The following GNAL variants were observed in gnomAD, a reference collection of about 807,000 sequenced individuals.
GNAL encodes guanine nucleotide-binding protein G(olf) subunit alpha.
Under a neutral mutation model 55.1 loss-of-function variants are expected in GNAL, and 18 were observed. That is an observed-to-expected ratio of 0.33 (90% CI 0.23 to 0.48). The LOEUF (loss-of-function observed/expected upper bound fraction) is 0.48. Among genes scored for constraint, GNAL ranks in the 20% least tolerant of loss-of-function variants. The pLI is 0.99. For missense variants in GNAL, 412 were observed against 614.1 expected (o/e 0.67, Z 3.48); for synonymous variants, 253 against 237.0 (o/e 1.07, Z -0.62).
chr18:11,815,205 A>G (rs2034923724), intron 4 of GNAL, among the ~76,000 whole-genome samples: 1 of 152,202 alleles, frequency 6.6e-6, no homozygotes, highest in Non-Finnish European at 1.5e-5. Flanking sequence ...TATACTATGT[A>G]TATACTCATT....
chr18:11,812,073 A>G (rs1337524667), intron 4 of GNAL, among the ~76,000 whole-genome samples: 3 of 152,364 alleles, frequency 2.0e-5, no homozygotes, highest in South Asian at 2.1e-4. Context: ...TCTTAGGTCT[A>G]TGAGTGGGAG....
chr18:11,749,828 C>T (rs987648628), intron 1 of GNAL, among the ~76,000 whole-genome samples: 3 of 152,166 alleles, frequency 2.0e-5, no homozygotes, highest in Non-Finnish European at 4.4e-5. Context: ...AAGACACAAG[C>T]AGCACATGCA....
At chr18:11,847,592 G>C (rs1428801096) in intron 5 of GNAL, among the ~76,000 whole-genome samples, 2 of 152,028 alleles carry the variant, frequency 1.3e-5, no homozygotes, top group African/African-American at 2.4e-5. Flanking sequence ...TAACTGGTTT[G>C]ACCCGCAGCT....
intron 1 of GNAL, among the ~76,000 whole-genome samples, chr18:11,693,439 G>A (rs760435770): frequency 1.1e-4 from 17 of 152,100 alleles, no homozygotes; most frequent in Non-Finnish European, 1.6e-4. Context: ...ACACTAAAAC[G>A]CATACTGTTA....
chr18:11,885,384 AT>A lies in GNAL; in HGVS notation c.*4251del, dbSNP rs2037047123. 2.6e-6 allele frequency: 1 copy of A among 378,518 alleles called. No homozygotes were observed. Among genetic ancestry groups the A allele is most frequent in the East Asian group, 5.4e-5 (1 of 18,628 alleles). 23.4% of individuals were successfully genotyped at this position (378,518 alleles called of 1,614,324 possible). ...GAATAAATGGTTGTTTCTTTAGAAA[AT>A]TAAACACACACAGAGTGTAAGAGGA... On this transcript the variant is annotated 3_prime_UTR_variant, in exon 12 of 12. Coordinates refer to ENST00000334049, the MANE Select transcript of GNAL (RefSeq NM_182978.4).
intron 1 of GNAL, among the ~76,000 whole-genome samples, chr18:11,725,713 C>T (rs996632117): frequency 2.6e-5 from 4 of 152,148 alleles, no homozygotes; most frequent in African/African-American, 4.8e-5. Flanking sequence ...TTTTGGCAAT[C>T]GTGAGTAAAG....
Position 11,819,160 on chromosome 18 carries a change from C to T in GNAL, c.625-5758C>T, listed in dbSNP as rs570889372. 5.3e-5 allele frequency among the ~76,000 whole-genome samples: 8 copies of T among 152,322 alleles called. No homozygotes were observed. The East Asian group carries it at 5.8e-4, about 11-fold the overall frequency. ...GTCATTTGACTGTGTTATATTAGCA[C>T]AGAAATTATGCAAGAAATGTTATTC... is the stretch of plus-strand genomic sequence containing the variant. On this transcript the variant is annotated intron_variant, in intron 4 of 11. Transcript: ENST00000334049.
At chr18:11,842,085 G>C (rs891799440) in intron 5 of GNAL, among the ~76,000 whole-genome samples, 1 of 151,698 alleles carries the variant, frequency 6.6e-6, no homozygotes, top group African/African-American at 2.4e-5. Context: ...CAATTCTCCT[G>C]CCTCAGCCTC....
intron 1 of GNAL, among the ~76,000 whole-genome samples, chr18:11,719,023 G>T (rs1024788950): frequency 3.9e-5 from 6 of 152,150 alleles, no homozygotes; most frequent in Admixed American, 3.9e-4. Flanking sequence ...ATTTGCTGAT[G>T]AATTGGATGT....
In GNAL at chr18:11,881,483, C is replaced by T. The variant is rs1336992389; in HGVS notation, c.*348C>T. On this transcript the variant is annotated 3_prime_UTR_variant, in exon 12 of 12. Transcript: ENST00000334049. The surrounding 1 kb of genome is among the most constrained non-coding windows in gnomAD (Gnocchi z 4.8). ...AAAACACAGTTGGTTTTTTTTTCCA[C>T]GTTATCAACCGTGACTGCAAGAGCG... 3 of 190,292 alleles carry T rather than the reference C, an allele frequency of 1.6e-5. No homozygotes were observed. The highest frequency in any genetic ancestry group is 2.5e-5 in the African/African-American group (1 of 40,452). 11.8% of individuals were successfully genotyped at this position (190,292 alleles called of 1,614,324 possible). A position where few individuals can be genotyped will look rare whatever the true frequency, so the allele number is the denominator to read the frequency against.
intron 5 of GNAL, among the ~76,000 whole-genome samples, chr18:11,846,875 C>G (rs2035752387): frequency 6.6e-6 from 1 of 152,030 alleles, no homozygotes; most frequent in African/African-American, 2.4e-5. Context: ...TCACACCCAG[C>G]CCTGGACAGT....
At chr18:11,795,293 C>T (rs1465514375) in intron 4 of GNAL, among the ~76,000 whole-genome samples, 1 of 150,112 alleles carries the variant, frequency 6.7e-6, no homozygotes, top group Admixed American at 6.7e-5. Context: ...CCCAGCTACT[C>T]AGGAGGCTGA....
intron 11 of GNAL, among the ~76,000 whole-genome samples, chr18:11,878,302 G>A (rs533257336): frequency 4.6e-5 from 7 of 152,120 alleles, no homozygotes; most frequent in Admixed American, 2.6e-4. Context: ...ATTTTAAAAC[G>A]TACCTGGGTA....
intron 1 of GNAL, among the ~76,000 whole-genome samples, chr18:11,736,995 TG>T (rs1450656733): frequency 6.6e-6 from 1 of 152,182 alleles, no homozygotes; most frequent in Admixed American, 6.5e-5. Context: ...ATAAAGCAAA[TG>T]TAGCAAAATG....
chr18:11,690,080 G>C, intron 1 of GNAL, 141 bp downstream of exon 1: 1 of 408,644 alleles, frequency 2.4e-6, no homozygotes, highest in Non-Finnish European at 3.9e-6. Flanking sequence ...GGACCCGGAC[G>C]GGCGGCGGGC....
intron 4 of GNAL, among the ~76,000 whole-genome samples, chr18:11,802,595 A>G (rs2034548941): frequency 6.6e-6 from 1 of 152,136 alleles, no homozygotes; most frequent in African/African-American, 2.4e-5. Context: ...GTGACTTCCC[A>G]TCCATCCACA....
At chr18:11,854,961 C>T (rs1015486464) in intron 5 of GNAL, among the ~76,000 whole-genome samples, 3 of 152,128 alleles carry the variant, frequency 2.0e-5, no homozygotes, top group African/African-American at 4.8e-5. Context: ...GTCTCACTGT[C>T]GCCCAGGCTG....
intron 4 of GNAL, among the ~76,000 whole-genome samples, chr18:11,772,471 G>A (rs1184218242): frequency 6.6e-6 from 1 of 152,112 alleles, no homozygotes; most frequent in East Asian, 1.9e-4. Flanking sequence ...GTGATCATAG[G>A]GCCAAATAGA....
intron 1 of GNAL, among the ~76,000 whole-genome samples, chr18:11,708,879 CA>C (rs1218318234): frequency 6.6e-6 from 1 of 152,296 alleles, no homozygotes; most frequent in African/African-American, 2.4e-5. Flanking sequence ...TTGCCAAGAC[CA>C]ATTAATGTCA....
Sources: allele counts gnomAD v4.1 joint callset (sites outside exome capture counted in the v4.1 genomes callset), GRCh38; gene constraint gnomAD v4.1.1; non-coding constraint Gnocchi (gnomAD v3.1); transcripts MANE v1.5; gene names NCBI Gene and HGNC (gene_info 2026-07-23, HGNC 2026-07-21).